ACBD6: variants seen among roughly 807,000 people sequenced by gnomAD.
ACBD6 encodes acyl-CoA-binding domain-containing protein 6.
In ACBD6, 28 loss-of-function variants were observed where a neutral mutation model predicts 37.2. The ratio of observed to expected loss-of-function variants is 0.75; its 90% CI spans 0.56 to 1.03. The LOEUF (loss-of-function observed/expected upper bound fraction) is 1.03. Ranked by LOEUF, ACBD6 falls within the 50% of genes least tolerant of loss-of-function variation. ACBD6 has a pLI of 0.00. For missense variants in ACBD6, 340 were observed against 337.4 expected, an observed-to-expected ratio of 1.01 and a Z score of -0.06; for synonymous variants, 113 against 126.8, an observed-to-expected ratio of 0.89 and a Z score of 0.73.
chr1:180,448,016 T>G (rs910425184), intron 3 of ACBD6, among the ~76,000 whole-genome samples: 1 of 152,148 alleles, frequency 6.6e-6, no homozygotes, highest in African/African-American at 2.4e-5. Context: ...ACACCAATAC[T>G]TGGGAAAATG....
chr1:180,397,349 G>A (rs1654296371), intron 6 of ACBD6, among the ~76,000 whole-genome samples, 167 bp downstream of exon 6: 2 of 152,248 alleles, frequency 1.3e-5, no homozygotes, highest in East Asian at 1.9e-4. Flanking sequence ...TTCTTTTGCG[G>A]TGACAACAGT....
At chr1:180,413,849 C>CCAGCACT (rs1449369095) in intron 4 of ACBD6, among the ~76,000 whole-genome samples, 3 of 151,900 alleles carry the variant, frequency 2.0e-5, no homozygotes, top group Non-Finnish European at 2.9e-5. Context: ...TACTACATAC[C>CCAGCACT]CAGCACTCTT....
chr1:180,437,080 C>T lies in ACBD6; in HGVS notation c.385-6818G>A, dbSNP rs188452170. ...CTGAGGCTGTGTCATGGGTCATGGT[C>T]TTCACATTTGGTGCAGAATAAATCT... On this transcript the variant is annotated intron_variant, in intron 3 of 7. Coordinates refer to ENST00000367595, the MANE Select transcript of ACBD6 (RefSeq NM_032360.4). Among the ~76,000 whole-genome samples the T allele has an allele frequency of 1.2e-4, 19 of 152,338 alleles. No homozygotes were observed. The East Asian group carries it at 3.7e-3, about 29-fold the overall frequency.
intron 3 of ACBD6, among the ~76,000 whole-genome samples, chr1:180,471,612 G>A (rs1227376266): frequency 1.3e-5 from 2 of 152,038 alleles, no homozygotes; most frequent in African/African-American, 4.8e-5. Context: ...AGAAGCAAAA[G>A]CGGATACCCC....
At chr1:180,398,208 CAAT>C (rs1654338394) in intron 5 of ACBD6, among the ~76,000 whole-genome samples, 1 of 152,030 alleles carries the variant, frequency 6.6e-6, no homozygotes, top group Non-Finnish European at 1.5e-5. Context: ...GTAATAACAA[CAAT>C]AATATAAATA....
chr1:180,400,031 A>G (rs1443762478), intron 5 of ACBD6, among the ~76,000 whole-genome samples: 1 of 152,158 alleles, frequency 6.6e-6, no homozygotes, highest in Non-Finnish European at 1.5e-5. Context: ...TCTATCTCTC[A>G]GCCACGTTCC....
chr1:180,331,307 GT>G (rs1359453992), intron 6 of ACBD6, among the ~76,000 whole-genome samples: 1 of 152,100 alleles, frequency 6.6e-6, no homozygotes, highest in Non-Finnish European at 1.5e-5. Context: ...ATGTTACTTA[GT>G]AATATAACTA....
At chr1:180,342,765 A>G (rs1419277809) in intron 6 of ACBD6, among the ~76,000 whole-genome samples, 1 of 152,130 alleles carries the variant, frequency 6.6e-6, no homozygotes, top group East Asian at 1.9e-4. Flanking sequence ...GAATATAGGA[A>G]CCTAAACCTT....
At chr1:180,320,641 A>G (rs1003793560) in intron 6 of ACBD6, among the ~76,000 whole-genome samples, 1 of 152,162 alleles carries the variant, frequency 6.6e-6, no homozygotes, top group Non-Finnish European at 1.5e-5. Context: ...CCTGTCTCAA[A>G]AAATAAAAAT....
At chr1:180,483,699 T>C (rs188548185) in intron 3 of ACBD6, among the ~76,000 whole-genome samples, 98 of 152,324 alleles carry the variant, frequency 6.4e-4, no homozygotes, top group African/African-American at 2.3e-3. Context: ...GCAAAATACA[T>C]ACTATTAATC....
chr1:180,385,450 TATAAAG>T (rs1271951289), intron 6 of ACBD6, among the ~76,000 whole-genome samples: 10 of 150,464 alleles, frequency 6.6e-5, no homozygotes, highest in South Asian at 6.4e-4. Context: ...ATGCCTTAAA[TATAAAG>T]ATACAGTGTT....
chr1:180,349,911 T>C (rs1652341534), intron 6 of ACBD6, among the ~76,000 whole-genome samples: 2 of 151,774 alleles, frequency 1.3e-5, no homozygotes, highest in Admixed American at 6.6e-5. Flanking sequence ...AATATTTTTT[T>C]TTCTATTTGT....
At chr1:180,398,025 C>A (rs1654327281) in intron 5 of ACBD6, among the ~76,000 whole-genome samples, 1 of 151,822 alleles carries the variant, frequency 6.6e-6, no homozygotes, top group Non-Finnish European at 1.5e-5. Context: ...TGCACTCCAG[C>A]CTGGGTGACA....
chr1:180,495,521 T>C lies in ACBD6; in HGVS notation c.227A>G (p.Lys76Arg), dbSNP rs762765644. The change falls in exon 2 of 8, where the codon AAA (lysine) becomes AGA (arginine). Residue 76 changes from lysine to arginine, a missense_variant. Lys to Arg is a conservative substitution (Grantham distance 26). Transcript: ENST00000367595. ...TTTAGGAGTATTACAATTTCCAACT[T>C]TGACCTAAATGAGGGAAGGAAAATC... is the stretch of plus-strand genomic sequence containing the variant. Reference protein sequence around the residue: ...LYLYARYKQVKVGNCNTPKPS... With the variant: ...LYLYARYKQVRVGNCNTPKPS... 2.5e-6 allele frequency: 4 copies of C among 1,609,550 alleles called. No homozygotes were observed. The highest frequency in any genetic ancestry group is 2.2e-5 in the South Asian group (2 of 90,556).
chr1:180,341,278 G>A (rs1334655870), intron 6 of ACBD6, among the ~76,000 whole-genome samples: 3 of 151,992 alleles, frequency 2.0e-5, no homozygotes, highest in Non-Finnish European at 4.4e-5. Context: ...CATATTATAC[G>A]ATACTAGGTA....
intron 3 of ACBD6, among the ~76,000 whole-genome samples, chr1:180,486,407 A>G (rs1651264736): frequency 6.6e-6 from 1 of 152,212 alleles, no homozygotes. Context: ...CTGACCCAAG[A>G]GTCTTATGCT....
intron 3 of ACBD6, among the ~76,000 whole-genome samples, chr1:180,454,321 T>C (rs1312939206): frequency 1.3e-5 from 2 of 152,192 alleles, no homozygotes; most frequent in Non-Finnish European, 2.9e-5. Flanking sequence ...TGGCTAGCCA[T>C]ATGCAGAAAA....
At chr1:180,456,573 C>T (rs912179567) in intron 3 of ACBD6, among the ~76,000 whole-genome samples, 23 of 152,178 alleles carry the variant, frequency 1.5e-4, no homozygotes, top group African/African-American at 4.6e-4. Flanking sequence ...TAGTTATAGG[C>T]ACACAGAACA....
intron 6 of ACBD6, among the ~76,000 whole-genome samples, chr1:180,387,097 A>G (rs1003548701): frequency 4.6e-5 from 7 of 151,966 alleles, no homozygotes; most frequent in Non-Finnish European, 1.0e-4. Context: ...TAATAATTTC[A>G]TTTTCAGAGC....
Sources: gnomAD v4.1 joint callset for allele counts (sites outside exome capture counted in the v4.1 genomes callset) on GRCh38, gnomAD v4.1.1 for gene constraint, MANE v1.5 for transcripts, NCBI Gene and HGNC (gene_info 2026-07-23, HGNC 2026-07-21) for gene names.